Variants in ITSN2 observed in about 807,000 individuals in gnomAD.
ITSN2 encodes intersectin 2.
In ITSN2, 156 loss-of-function variants were observed where a neutral mutation model predicts 243.7. The observed-to-expected ratio is 0.64, with a 90% CI of 0.56 to 0.73. ITSN2 has a LOEUF of 0.73. Among genes scored for constraint, ITSN2 ranks in the 30% least tolerant of loss-of-function variants. ITSN2 has a pLI of 0.00. For missense variants in ITSN2, 1,801 were observed against 1,996.1 expected (o/e 0.90, Z 1.86); for synonymous variants, 703 against 699.9 (o/e 1.00, Z -0.07).
At chr2:24,354,848 T>A (rs1410028188) in intron 1 of ITSN2, among the ~76,000 whole-genome samples, 2 of 152,208 alleles carry the variant, frequency 1.3e-5, no homozygotes, top group African/African-American at 2.4e-5. Context: ...CTGGTAATAG[T>A]CCCCTAATCC....
At chr2:24,208,375 G>C in intron 36 of ITSN2, 56 bp from the exon 37 acceptor site, 1 of 1,323,602 alleles carries the variant, frequency 7.6e-7, no homozygotes, top group Non-Finnish European at 1.1e-6. Flanking sequence ...AGGTCAGCGT[G>C]GAGCCCCAGA....
intron 2 of ITSN2, among the ~76,000 whole-genome samples, chr2:24,324,169 T>A (rs1357038478): frequency 2.6e-5 from 4 of 152,112 alleles, no homozygotes; most frequent in African/African-American, 7.2e-5. Context: ...TAGGCGGAGC[T>A]TGCAGTGAGC....
chr2:24,334,626 T>A, intron 1 of ITSN2: 1 of 1,196,430 alleles, frequency 8.4e-7, no homozygotes, highest in Non-Finnish European at 1.2e-6. Flanking sequence ...CCAGGGAAAG[T>A]GGTGTTATAC....
intron 20 of ITSN2, among the ~76,000 whole-genome samples, chr2:24,264,731 C>T (rs571659638): frequency 1.3e-5 from 2 of 152,346 alleles, no homozygotes; most frequent in East Asian, 3.9e-4. Flanking sequence ...CACAAACACA[C>T]GTAGCATGAA....
At chr2:24,288,886 A>G (rs1169611084) in intron 15 of ITSN2, among the ~76,000 whole-genome samples, 1 of 152,152 alleles carries the variant, frequency 6.6e-6, no homozygotes, top group Non-Finnish European at 1.5e-5. Flanking sequence ...ATAAATATAT[A>G]CACTCCACAA....
At chr2:24,341,712 T>C (rs1212556156) in intron 1 of ITSN2, among the ~76,000 whole-genome samples, 5 of 152,024 alleles carry the variant, frequency 3.3e-5, no homozygotes, top group East Asian at 1.9e-4. Context: ...CCTGTCTCTA[T>C]TAAAAATACA....
intron 29 of ITSN2, among the ~76,000 whole-genome samples, chr2:24,223,890 A>G (rs1236770321): frequency 1.3e-5 from 2 of 151,604 alleles, no homozygotes; most frequent in African/African-American, 2.4e-5. Flanking sequence ...GAAAGAAGAA[A>G]AATAAAGAAA....
At chr2:24,318,945 A>G (rs1684242332) in intron 2 of ITSN2, among the ~76,000 whole-genome samples, 1 of 152,180 alleles carries the variant, frequency 6.6e-6, no homozygotes, top group Non-Finnish European at 1.5e-5. Context: ...TTCTCATAGG[A>G]GCACAAACCC....
At chr2:24,275,615 C>A (rs1677912150) in intron 18 of ITSN2, 98 bp downstream of exon 18, 2 of 916,242 alleles carry the variant, frequency 2.2e-6, no homozygotes, top group African/African-American at 1.7e-5. Flanking sequence ...TTAGGATAAT[C>A]CCTTTATTTT....
intron 17 of ITSN2, among the ~76,000 whole-genome samples, chr2:24,280,496 C>T (rs1407530179): frequency 4.6e-5 from 7 of 152,314 alleles, no homozygotes; most frequent in Non-Finnish European, 8.8e-5. Flanking sequence ...AACTATCATA[C>T]AGCTACCAAT....
rs11885976 is a variant in ITSN2 at position 24,310,712 on chromosome 2, T to C, written c.353-20A>G. The stretch of plus-strand genomic sequence containing the variant: ...CCATTCCTAAAGTCAAAAGAAAACA[T>C]TTTTTCCAGTGCTAGAAAATCAATT... On this transcript the variant is annotated intron_variant, in intron 5 of 39. Coordinates refer to ENST00000355123, the MANE Select transcript of ITSN2 (RefSeq NM_006277.3). 2.9e-4 allele frequency: 460 copies of C among 1,601,838 alleles called. 3 individuals are homozygous for C. In the African/African-American group the frequency reaches 5.4e-3, roughly 19 times the overall value.
Position 24,271,806 on chromosome 2 carries a change from T to C in ITSN2, c.2217A>G (p.Gln739=). The part of the protein sequence containing the change: ...QEEERKAEEK[Q]RKDKDTLKAE... ...CTTTCAAAGTATCCTTATCCTTACG[T>C]TGTTTCTCCTCAGCTTTCCGTTCCT... The change falls in exon 19 of 40, where the codon CAA becomes CAG. Residue 739 remains glutamine (Q), a synonymous_variant. Coordinates refer to ENST00000355123, the MANE Select transcript of ITSN2 (RefSeq NM_006277.3). The C allele has an allele frequency of 1.9e-6, 3 of 1,606,748 alleles. No individual in the cohort carries two copies. The highest frequency in any genetic ancestry group is 1.7e-6 in the Non-Finnish European group (2 of 1,178,404).
chr2:24,284,715 A>G, intron 17 of ITSN2, 48 bp downstream of exon 17: 1 of 1,137,682 alleles, frequency 8.8e-7, no homozygotes, highest in South Asian at 1.3e-5. Flanking sequence ...TAAAAAAATA[A>G]AACAGCAAAG....
At chr2:24,295,358 G>A (rs1302826598) in intron 14 of ITSN2, among the ~76,000 whole-genome samples, 1 of 152,220 alleles carries the variant, frequency 6.6e-6, no homozygotes, top group Non-Finnish European at 1.5e-5. Context: ...CCATGCTGGA[G>A]TACAGTGGTG....
intron 1 of ITSN2, 120 bp from the exon 2 acceptor site, chr2:24,328,235 G>T: frequency 1.5e-6 from 1 of 648,552 alleles, no homozygotes; most frequent in Non-Finnish European, 2.7e-6. Context: ...AGAAAACAAT[G>T]CAGAGCTTCT....
In ITSN2 at chr2:24,315,199, G is replaced by GTATT; in HGVS notation, c.56_57insAATA (p.Ser20IlefsTer3). 1 of 1,611,740 alleles carries GTATT rather than the reference G, an allele frequency of 6.2e-7. No individual in the cohort carries two copies. The highest frequency in any genetic ancestry group is 8.5e-7 in the Non-Finnish European group (1 of 1,178,282). ...TGTCATGCTTAGTACGTTCTTCAGA[G>GTATT]GTAATAGCCCACATGTTTGGCCCTC... On this transcript the variant is annotated frameshift_variant, in exon 3 of 40. Coordinates refer to ENST00000355123, the MANE Select transcript of ITSN2 (RefSeq NM_006277.3). LOFTEE classifies it high-confidence loss of function.
chr2:24,332,597 CTG>C (rs1224611850), intron 1 of ITSN2, among the ~76,000 whole-genome samples: 3 of 152,136 alleles, frequency 2.0e-5, no homozygotes, highest in Non-Finnish European at 4.4e-5. Flanking sequence ...ATCTGATTAA[CTG>C]TGGTAACATC....
At chr2:24,205,352 G>T in intron 37 of ITSN2, 55 bp from the exon 38 acceptor site, 2 of 1,482,456 alleles carry the variant, frequency 1.3e-6, no homozygotes, top group Non-Finnish European at 1.9e-6. Context: ...TGCAGACCCT[G>T]TCTTTCAAAC....
intron 39 of ITSN2, 64 bp from the exon 40 acceptor site, chr2:24,203,847 TC>T: frequency 6.6e-7 from 1 of 1,504,020 alleles, no homozygotes; most frequent in East Asian, 2.3e-5. Context: ...AAGAGCTACA[TC>T]CGGAAGAAGT....
Sources: allele counts gnomAD v4.1 joint callset (sites outside exome capture counted in the v4.1 genomes callset), GRCh38; gene constraint gnomAD v4.1.1; transcripts MANE v1.5; gene names NCBI Gene and HGNC (gene_info 2026-07-23, HGNC 2026-07-21).